Variants in RIF1 observed in about 807,000 individuals in gnomAD.
The protein encoded by RIF1 is replication timing regulatory factor 1, also known as telomere-associated protein RIF1.
Under a neutral mutation model 247.1 loss-of-function variants are expected in RIF1, and 45 were observed. The observed-to-expected ratio is 0.18, with a 90% CI of 0.14 to 0.23. The LOEUF is 0.23. Among genes scored for constraint, RIF1 ranks in the 10% least tolerant of loss-of-function variants. The pLI, the probability that RIF1 is intolerant of heterozygous loss-of-function variation, is 1.00. For synonymous variants in RIF1, 1,087 were observed against 978.8 expected, an observed-to-expected ratio of 1.11 and a Z score of -2.06; for missense variants, 2,967 against 2,862.5, an observed-to-expected ratio of 1.04 and a Z score of -0.83.
intron 3 of RIF1, among the ~76,000 whole-genome samples, chr2:151,414,443 T>C (rs986808751): frequency 6.6e-5 from 10 of 152,354 alleles, no homozygotes; most frequent in Admixed American, 5.9e-4. Context: ...GAGGAAGAGA[T>C]GTCACTCCAC....
At chr2:151,529,073 C>G in the RIF1 span, 1 of 682,160 alleles carries the variant, frequency 1.5e-6, no homozygotes, top group Non-Finnish European at 2.6e-6. Context: ...CATCATTGTT[C>G]ATGCTCCTGG....
intron 19 of RIF1, 56 bp from the exon 20 acceptor site, chr2:151,446,370 A>G: frequency 6.8e-7 from 1 of 1,463,326 alleles, no homozygotes; most frequent in Non-Finnish European, 9.5e-7. Flanking sequence ...TGATTCTATA[A>G]ACTTTGATAG....
intron 12 of RIF1, among the ~76,000 whole-genome samples, chr2:151,504,984 G>T (rs1192203924): frequency 1.3e-5 from 2 of 152,054 alleles, no homozygotes; most frequent in Non-Finnish European, 2.9e-5. Flanking sequence ...GAGGGGAGAA[G>T]AGACTTCACA....
intron 33 of RIF1, among the ~76,000 whole-genome samples, 200 bp downstream of exon 33, chr2:151,468,956 A>G (rs2152522848): frequency 6.6e-6 from 1 of 152,328 alleles, no homozygotes; most frequent in Admixed American, 6.5e-5. Context: ...AGATGTATGC[A>G]TAATATTTCA....
In RIF1 at chr2:151,463,816, A is replaced by T; in HGVS notation, c.4296A>T (p.Gln1432His). The change falls in exon 30 of 36, where the codon CAA becomes CAT. Residue 1432 changes from glutamine to histidine, a missense_variant. By Grantham distance (24) the Gln-to-His change is conservative. Transcript: ENST00000444746. ...SEVVESTTESQDKENSHQKKE... is the reference protein window; with the variant it reads ...SEVVESTTESHDKENSHQKKE... ...TAGTAGAGTCTACCACTGAAAGCCA[A>T]GATAAGGAAAATAGTCATCAAAAAA... 1 of 1,612,388 alleles carries T rather than the reference A, an allele frequency of 6.2e-7. No individual in the cohort carries two copies.
chr2:151,451,756 C>A, intron 21 of RIF1, 51 bp downstream of exon 21: 1 of 956,010 alleles, frequency 1.0e-6, no homozygotes, highest in Non-Finnish European at 1.7e-6. Flanking sequence ...ATAAGCAGTA[C>A]TGAACTTTGC....
At chr2:151,498,809 G>A (rs1575092558) in intron 10 of RIF1, among the ~76,000 whole-genome samples, 1 of 151,980 alleles carries the variant, frequency 6.6e-6, no homozygotes, top group Admixed American at 6.5e-5. Context: ...TTCAAAAGAA[G>A]TCAGAGTATT....
chr2:151,481,877 G>A lies in RIF1; in HGVS notation c.*6806G>A, dbSNP rs1410187142. The A allele has an allele frequency of 6.6e-6, 1 of 152,220 alleles. No individual in the cohort carries two copies. Among genetic ancestry groups the A allele is most frequent in the African/African-American group, 2.4e-5 (1 of 41,452 alleles). 9.4% of individuals were successfully genotyped at this position (152,220 alleles called of 1,614,324 possible). On this transcript the variant is annotated 3_prime_UTR_variant, in exon 36 of 36. Coordinates refer to ENST00000444746, the MANE Select transcript of RIF1 (RefSeq NM_018151.5). ...ATCTGAGGTGGAACAGTCTCATCCT[G>A]AAACCATCTACCCCAACACCTGTGT...
chr2:151,460,442 T>C (rs891904294), intron 26 of RIF1, among the ~76,000 whole-genome samples: 19 of 152,206 alleles, frequency 1.2e-4, no homozygotes, highest in Admixed American at 1.2e-3. Context: ...GAAAATATTT[T>C]AGAACTTTTG....
intron 21 of RIF1, among the ~76,000 whole-genome samples, chr2:151,453,970 C>T (rs1229635290): frequency 6.6e-6 from 1 of 152,150 alleles, no homozygotes; most frequent in Admixed American, 6.5e-5. Context: ...GTATTTACAA[C>T]TTGATCATTC....
At chr2:151,421,588 T>C (rs13002073) in intron 7 of RIF1, among the ~76,000 whole-genome samples, 53,405 of 152,028 alleles carry the variant, frequency 0.35, 9,764 homozygotes, top group South Asian at 0.45. Flanking sequence ...GTTTTGTTTT[T>C]TGTTTGAGAC....
Position 151,460,029 on chromosome 2 carries a change from A to G in RIF1, c.2985A>G (p.Ile995Met). Residue 995 changes from isoleucine (I) to methionine (M), a missense_variant, in exon 26 of 36, where the codon ATA (isoleucine) becomes ATG (methionine). This residue lies in a region of RIF1 where 2,028 missense variants were observed against 1,825.6 expected (regional missense o/e 1.11). Coordinates refer to ENST00000444746, the MANE Select transcript of RIF1 (RefSeq NM_018151.5). Reference sequence around the variant, plus strand: ...AAAATTCACAACTAAATGTGAAGATAAGTGGCATGGAGAGAAAATCAAATG... The same window carrying G: ...AAAATTCACAACTAAATGTGAAGATGAGTGGCATGGAGAGAAAATCAAATG... ...GTENSQLNVK[I>M]SGMERKSNGK... 6.4e-7 allele frequency: 1 copy of G among 1,559,624 alleles called. No individual in the cohort carries two copies. Among genetic ancestry groups the G allele is most frequent in the Non-Finnish European group, 8.7e-7 (1 of 1,145,132 alleles).
At position 151,468,597 on chromosome 2, in the gene RIF1, A is replaced by G. The variant is rs555260981; in HGVS notation, c.6826-44A>G. The G allele has an allele frequency of 7.1e-5, 114 of 1,603,190 alleles. No homozygotes were observed. In the South Asian group the frequency reaches 1.1e-3, roughly 15 times the overall value. ...CATGTCACTTTATATTTTCATGTTC[A>G]GTCAGTTGACCTCTGTGTAACAGCT... On this transcript the variant is annotated intron_variant, in intron 32 of 35. Coordinates refer to ENST00000444746, the MANE Select transcript of RIF1 (RefSeq NM_018151.5).
At chr2:151,482,980 A>G (rs996800448), downstream of RIF1, among the ~76,000 whole-genome samples, 1 of 151,966 alleles carries the variant, frequency 6.6e-6, no homozygotes. Context: ...TATTTGTCTA[A>G]ATTTCCCTTT....
At chr2:151,449,530 C>A (rs1693896224) in intron 20 of RIF1, among the ~76,000 whole-genome samples, 1 of 152,144 alleles carries the variant, frequency 6.6e-6, no homozygotes, top group Admixed American at 6.5e-5. Flanking sequence ...ATGCACACTA[C>A]AGCCTCCACC....
intron 6 of RIF1, among the ~76,000 whole-genome samples, chr2:151,419,642 T>C (rs576833303): frequency 1.3e-5 from 2 of 152,308 alleles, no homozygotes; most frequent in South Asian, 4.1e-4. Flanking sequence ...ATTATCATTA[T>C]CATATAGTAC....
intron 12 of RIF1, among the ~76,000 whole-genome samples, chr2:151,505,055 T>TAC (rs927487846): frequency 6.6e-6 from 1 of 152,156 alleles, no homozygotes; most frequent in African/African-American, 2.4e-5. Flanking sequence ...GTGTCATACA[T>TAC]ACACACACAC....
At chr2:151,462,508 C>T (rs758547839) in intron 29 of RIF1, 42 bp downstream of exon 29, 4 of 1,286,122 alleles carry the variant, frequency 3.1e-6, no homozygotes, top group Admixed American at 4.1e-5. Flanking sequence ...TAGAATCACC[C>T]TTCCATTATA....
intron 34 of RIF1, among the ~76,000 whole-genome samples, chr2:151,473,374 G>T (rs1005725667): frequency 2.7e-5 from 4 of 146,386 alleles, no homozygotes; most frequent in African/African-American, 7.6e-5. Context: ...TCGGCCCACT[G>T]CAGCTGCACC....
Sources: gnomAD v4.1 joint callset for allele counts (sites outside exome capture counted in the v4.1 genomes callset) on GRCh38, gnomAD v4.1.1 for gene constraint, gnomAD v4.1.1 regional missense constraint, MANE v1.5 for transcripts, NCBI Gene and HGNC (gene_info 2026-07-23, HGNC 2026-07-21) for gene names.